Variants in ATXN7 observed in about 807,000 individuals in gnomAD.
ATXN7 encodes ataxin 7, also known as ataxin-7.
ATXN7 carries 12 observed loss-of-function variants against 70.5 expected under a neutral mutation model. The ratio of observed to expected loss-of-function variants is 0.17; its 90% CI spans 0.11 to 0.28. The LOEUF (loss-of-function observed/expected upper bound fraction) is 0.28, where lower values mean the gene tolerates loss of function less well. Ranked by LOEUF, ATXN7 falls within the 10% of genes least tolerant of loss-of-function variation. ATXN7 has a pLI of 1.00. For synonymous variants in ATXN7, 498 were observed against 448.7 expected, an observed-to-expected ratio of 1.11 and a Z score of -1.39; for missense variants, 1,256 against 1,131.7, an observed-to-expected ratio of 1.11 and a Z score of -1.58.
chr3:63,890,555 C>A (rs1353524855), intron 1 of ATXN7, among the ~76,000 whole-genome samples: 1 of 152,068 alleles, frequency 6.6e-6, no homozygotes, highest in Non-Finnish European at 1.5e-5. Flanking sequence ...TGATCTCTGA[C>A]CCTTGATTTT....
At chr3:63,893,434 T>G (rs1703346499) in intron 1 of ATXN7, among the ~76,000 whole-genome samples, 1 of 152,184 alleles carries the variant, frequency 6.6e-6, no homozygotes, top group Non-Finnish European at 1.5e-5. Context: ...CTGGGAGAGA[T>G]AGGCTCAAGA....
intron 4 of ATXN7, among the ~76,000 whole-genome samples, chr3:63,918,727 G>A (rs995304969): frequency 3.3e-5 from 5 of 152,130 alleles, no homozygotes; most frequent in African/African-American, 1.2e-4. Context: ...GTGTGTAAAG[G>A]TTCTGCAGAT....
chr3:63,964,459 A>G (rs1303803784), intron 5 of ATXN7, among the ~76,000 whole-genome samples: 1 of 152,182 alleles, frequency 6.6e-6, no homozygotes, highest in Non-Finnish European at 1.5e-5. Context: ...CACCTTATAA[A>G]GGTGTTCATT....
chr3:63,889,219 G>T (rs986312436), intron 1 of ATXN7, among the ~76,000 whole-genome samples: 1 of 152,122 alleles, frequency 6.6e-6, no homozygotes, highest in African/African-American at 2.4e-5. Flanking sequence ...CCTGGGAAAA[G>T]TCCATCCTAT....
intron 1 of ATXN7, among the ~76,000 whole-genome samples, chr3:63,898,112 A>C (rs1173772425): frequency 6.6e-6 from 1 of 152,192 alleles, no homozygotes; most frequent in Admixed American, 6.5e-5. Flanking sequence ...GAAACTCATT[A>C]GTGCAAATTA....
chr3:63,992,299 T>C (rs2075685039), intron 11 of ATXN7, among the ~76,000 whole-genome samples: 1 of 152,222 alleles, frequency 6.6e-6, no homozygotes, highest in Admixed American at 6.5e-5. Flanking sequence ...TTCTTTCTGG[T>C]TCTTGCTGGA....
At chr3:63,934,586 A>T (rs1272475787) in intron 4 of ATXN7, among the ~76,000 whole-genome samples, 1 of 152,156 alleles carries the variant, frequency 6.6e-6, no homozygotes, top group Non-Finnish European at 1.5e-5. Flanking sequence ...CTCAGTTTTT[A>T]AAGTACTTCC....
chr3:63,911,785 A>G (rs1704022004), intron 2 of ATXN7: 1 of 152,194 alleles, frequency 6.6e-6, no homozygotes, highest in Non-Finnish European at 1.5e-5. Context: ...CTGGGCAGAC[A>G]CCTGGGAGGC....
At chr3:63,874,002 C>T (rs891797593) in intron 1 of ATXN7, among the ~76,000 whole-genome samples, 3 of 152,124 alleles carry the variant, frequency 2.0e-5, no homozygotes, top group African/African-American at 4.8e-5. Flanking sequence ...CACCTGGCCC[C>T]GAGGATTCTT....
chr3:63,991,243 T>C (rs2075666857), intron 11 of ATXN7, among the ~76,000 whole-genome samples: 1 of 151,922 alleles, frequency 6.6e-6, no homozygotes, highest in African/African-American at 2.4e-5. Flanking sequence ...TTAAATATAC[T>C]TAACATTCAC....
At chr3:63,988,807 TA>T (rs1337637870) in intron 9 of ATXN7, among the ~76,000 whole-genome samples, 1 of 152,240 alleles carries the variant, frequency 6.6e-6, no homozygotes, top group Non-Finnish European at 1.5e-5. Context: ...AGCACTTTAG[TA>T]GCAGAGTAAA....
At chr3:63,928,259 C>A (rs1395736273) in intron 4 of ATXN7, among the ~76,000 whole-genome samples, 1 of 152,152 alleles carries the variant, frequency 6.6e-6, no homozygotes, top group Non-Finnish European at 1.5e-5. Flanking sequence ...TGTCTTCATG[C>A]CACTGCATTC....
At chr3:63,973,611 G>A (rs746213615) in intron 5 of ATXN7, among the ~76,000 whole-genome samples, 9 of 152,150 alleles carry the variant, frequency 5.9e-5, no homozygotes, top group Admixed American at 4.6e-4. Flanking sequence ...TGGGTGTGCC[G>A]CAGCTTGCCT....
At chr3:63,916,617 C>G (rs971099584) in intron 4 of ATXN7, among the ~76,000 whole-genome samples, 17 of 151,960 alleles carry the variant, frequency 1.1e-4, no homozygotes, top group African/African-American at 4.1e-4. Flanking sequence ...AGGTAGTAAA[C>G]CTACCCAAGG....
chr3:63,976,625 A>G (rs897082553), intron 5 of ATXN7, among the ~76,000 whole-genome samples: 3 of 152,198 alleles, frequency 2.0e-5, no homozygotes, highest in Non-Finnish European at 4.4e-5. Flanking sequence ...TAGGCAAGAA[A>G]AGAAGATTTT....
At chr3:63,889,665 GCCACATGGTCAAAC>G (rs1703194684) in intron 1 of ATXN7, among the ~76,000 whole-genome samples, 1 of 152,212 alleles carries the variant, frequency 6.6e-6, no homozygotes, top group Admixed American at 6.5e-5. Context: ...TCTAGGGAAT[GCCACATGGTCAAAC>G]CTATAGCACT....
intron 4 of ATXN7, among the ~76,000 whole-genome samples, chr3:63,941,056 A>G (rs2074755438): frequency 6.6e-6 from 1 of 152,108 alleles, no homozygotes; most frequent in Admixed American, 6.5e-5. Flanking sequence ...CAGGATTTTG[A>G]TATTTGCCTA....
intron 1 of ATXN7, among the ~76,000 whole-genome samples, chr3:63,886,114 G>A (rs1394682190): frequency 6.6e-6 from 1 of 152,176 alleles, no homozygotes; most frequent in African/African-American, 2.4e-5. Flanking sequence ...CAACATGGGT[G>A]AACCTGGAGG....
intron 4 of ATXN7, among the ~76,000 whole-genome samples, chr3:63,940,807 C>T (rs1312261843): frequency 6.6e-5 from 10 of 152,210 alleles, no homozygotes; most frequent in Non-Finnish European, 1.5e-4. Context: ...CCGTATCCTA[C>T]TCTAGACTAC....
Sources: gnomAD v4.1 joint callset for allele counts (sites outside exome capture counted in the v4.1 genomes callset) on GRCh38, gnomAD v4.1.1 for gene constraint, MANE v1.5 for transcripts, NCBI Gene and HGNC (gene_info 2026-07-23, HGNC 2026-07-21) for gene names.